SLC5A12: variants seen among roughly 807,000 people sequenced by gnomAD.
SLC5A12 encodes sodium-coupled monocarboxylate transporter 2.
In SLC5A12, 46 loss-of-function variants were observed where a neutral mutation model predicts 72.7. The observed-to-expected ratio is 0.63, with a 90% confidence interval of 0.50 to 0.81. SLC5A12 has a LOEUF of 0.81. Among genes scored for constraint, SLC5A12 ranks in the 30% least tolerant of loss-of-function variants. SLC5A12 has a pLI of 0.00. For missense variants in SLC5A12, 683 were observed against 740.7 expected (o/e 0.92, Z 0.90); for synonymous variants, 275 against 264.4 (o/e 1.04, Z -0.39).
At chr11:26,694,764 A>G (rs1854769263) in intron 8 of SLC5A12, among the ~76,000 whole-genome samples, 1 of 152,188 alleles carries the variant, frequency 6.6e-6, no homozygotes, top group South Asian at 2.1e-4. Flanking sequence ...AATTTTACCA[A>G]AATATACCAC....
At position 26,670,459 on chromosome 11, in the gene SLC5A12, T is replaced by A. The variant is rs1043416869; in HGVS notation, c.*643A>T. ...TCACTCCCACTAGCCAGACATACCATCTTCTTCTGTATTTAGCTGAATTTT... is the reference window on the plus strand; with the variant it reads ...TCACTCCCACTAGCCAGACATACCAACTTCTTCTGTATTTAGCTGAATTTT... On this transcript the variant is annotated 3_prime_UTR_variant, in exon 15 of 15. Transcript: ENST00000396005. 10 of 152,106 alleles carry A rather than the reference T, an allele frequency of 6.6e-5. No individual in the cohort carries two copies. Among genetic ancestry groups the A allele is most frequent in the Non-Finnish European group, 1.5e-4 (10 of 68,014 alleles). The allele number at this position is 152,106 out of a possible 1,614,324, so 9.4% of individuals were successfully genotyped here. A position where few individuals can be genotyped will look rare whatever the true frequency, so the allele number is the denominator to read the frequency against.
At chr11:26,679,820 A>G (rs966557877) in intron 12 of SLC5A12, among the ~76,000 whole-genome samples, 2 of 152,152 alleles carry the variant, frequency 1.3e-5, no homozygotes, top group Non-Finnish European at 2.9e-5. Flanking sequence ...AAGCACATGA[A>G]TCATTTAAGT....
At chr11:26,712,323 C>CA (rs549368198) in intron 2 of SLC5A12, among the ~76,000 whole-genome samples, 74 of 151,754 alleles carry the variant, frequency 4.9e-4, no homozygotes, top group African/African-American at 1.7e-3. Context: ...AAAACAAAAA[C>CA]AAAAAAAGCA....
At position 26,686,561 on chromosome 11, in the gene SLC5A12, T is replaced by C. The variant is rs755670187; in HGVS notation, c.1154-17A>G. 2.5e-6 allele frequency: 4 copies of C among 1,611,736 alleles called. No individual in the cohort carries two copies. The highest frequency in any genetic ancestry group is 2.2e-5 in the South Asian group (2 of 91,014). ...ATAAGAGACCTGAAAGAAAGAAAAA[T>C]TACAATCATAATTTCCTGAGGGATT... On this transcript the variant is annotated splice_polypyrimidine_tract_variant and intron_variant, in intron 9 of 14. Coordinates refer to ENST00000396005, the MANE Select transcript of SLC5A12 (RefSeq NM_178498.4).
chr11:26,692,638 A>G (rs765840334), intron 8 of SLC5A12, 37 bp from the exon 9 acceptor site: 1 of 1,487,826 alleles, frequency 6.7e-7, no homozygotes, highest in Non-Finnish European at 9.4e-7. Context: ...GGTCTAAGCT[A>G]TATAAGGCGG....
intron 2 of SLC5A12, among the ~76,000 whole-genome samples, chr11:26,712,298 A>G (rs1339585370): frequency 6.6e-6 from 1 of 151,968 alleles, no homozygotes; most frequent in Non-Finnish European, 1.5e-5. Context: ...GCAAACAAGT[A>G]AAAAAACAAA....
chr11:26,683,561 T>A (rs1854456300), intron 11 of SLC5A12, among the ~76,000 whole-genome samples, 196 bp downstream of exon 11: 1 of 152,222 alleles, frequency 6.6e-6, no homozygotes, highest in South Asian at 2.1e-4. Flanking sequence ...TAACTACCTC[T>A]GCTCTTCTTT....
At chr11:26,693,674 C>T (rs1474255828) in intron 8 of SLC5A12, among the ~76,000 whole-genome samples, 1 of 152,008 alleles carries the variant, frequency 6.6e-6, no homozygotes, top group Admixed American at 6.6e-5. Context: ...GGCCAATGAA[C>T]AAAAGATGTC....
intron 1 of SLC5A12, 145 bp downstream of exon 1, chr11:26,721,231 G>T (rs1855472023): frequency 1.5e-6 from 1 of 661,256 alleles, no homozygotes; most frequent in Non-Finnish European, 2.5e-6. Context: ...TGTCTCCAAA[G>T]CTTAGGCTTT....
chr11:26,702,746 T>A (rs1247496924), intron 6 of SLC5A12, among the ~76,000 whole-genome samples: 2 of 152,128 alleles, frequency 1.3e-5, no homozygotes, highest in Admixed American at 1.3e-4. Context: ...GTTTTCTTAT[T>A]TTTTTAACCT....
chr11:26,710,345 T>A (rs1855193827), intron 3 of SLC5A12, among the ~76,000 whole-genome samples: 1 of 152,198 alleles, frequency 6.6e-6, no homozygotes, highest in African/African-American at 2.4e-5. Context: ...TGTGTCTTTA[T>A]AACAGAATGA....
intron 13 of SLC5A12, among the ~76,000 whole-genome samples, chr11:26,674,710 T>A (rs757852199): frequency 5.3e-5 from 8 of 152,170 alleles, no homozygotes; most frequent in African/African-American, 7.2e-5. Flanking sequence ...GCCCAAAATG[T>A]GGATTTTTAA....
intron 9 of SLC5A12, among the ~76,000 whole-genome samples, chr11:26,690,334 A>G (rs1169048380): frequency 1.3e-5 from 2 of 152,166 alleles, no homozygotes; most frequent in African/African-American, 4.8e-5. Context: ...ATTTAAATAA[A>G]ATGCTACAAG....
intron 1 of SLC5A12, among the ~76,000 whole-genome samples, chr11:26,719,165 T>C (rs1271935819): frequency 6.6e-6 from 1 of 152,182 alleles, no homozygotes; most frequent in Non-Finnish European, 1.5e-5. Flanking sequence ...AGTAAGTAAA[T>C]TGTTCAATAA....
chr11:26,672,981 G>A (rs1379350660), intron 14 of SLC5A12, among the ~76,000 whole-genome samples: 1 of 152,118 alleles, frequency 6.6e-6, no homozygotes, highest in African/African-American at 2.4e-5. Flanking sequence ...AGCTGGAGTT[G>A]AGGAGTTAAA....
At chr11:26,700,415 C>A (rs996094094) in intron 6 of SLC5A12, among the ~76,000 whole-genome samples, 2 of 152,084 alleles carry the variant, frequency 1.3e-5, no homozygotes, top group Non-Finnish European at 2.9e-5. Flanking sequence ...ACCAGGCCCT[C>A]TTCTAGGTAT....
chr11:26,708,890 C>T (rs190465390), intron 4 of SLC5A12, among the ~76,000 whole-genome samples: 1 of 152,016 alleles, frequency 6.6e-6, no homozygotes, highest in Non-Finnish European at 1.5e-5. Flanking sequence ...AAAATAGCAG[C>T]CATCACTGCT....
intron 11 of SLC5A12, among the ~76,000 whole-genome samples, chr11:26,682,433 A>T (rs1354490701): frequency 1.3e-5 from 2 of 152,078 alleles, no homozygotes; most frequent in Non-Finnish European, 2.9e-5. Context: ...CTAGCTGGAG[A>T]GCCATGTTGA....
chr11:26,715,565 A>G (rs1200993565), intron 1 of SLC5A12, among the ~76,000 whole-genome samples: 1 of 152,144 alleles, frequency 6.6e-6, no homozygotes, highest in Non-Finnish European at 1.5e-5. Context: ...CCACTTGTCT[A>G]TCACTGCTTA....
Sources: allele counts gnomAD v4.1 joint callset (sites outside exome capture counted in the v4.1 genomes callset), GRCh38; gene constraint gnomAD v4.1.1; transcripts MANE v1.5; gene names NCBI Gene and HGNC (gene_info 2026-07-23, HGNC 2026-07-21).